The following KIF1A variants were observed in gnomAD, a reference collection of about 807,000 sequenced individuals.
The protein encoded by KIF1A is kinesin-like protein KIF1A.
Under a neutral mutation model 227.3 loss-of-function variants are expected in KIF1A, and 46 were observed. That is an observed-to-expected ratio of 0.20 (90% CI 0.16 to 0.26). The LOEUF is 0.26. KIF1A is among the 10% of genes least tolerant of loss of function. The pLI, the probability that KIF1A is intolerant of heterozygous loss-of-function variation, is 1.00. For synonymous variants in KIF1A, 1,022 were observed against 1,012.8 expected (o/e 1.01, Z -0.17); for missense variants, 1,683 against 2,485.9 (o/e 0.68, Z 6.87).
intron 8 of KIF1A, 37 bp from the exon 9 acceptor site, chr2:240,783,146 G>T: frequency 6.6e-7 from 1 of 1,520,056 alleles, no homozygotes; most frequent in Non-Finnish European, 9.1e-7. Context: ...GGGATGCTGG[G>T]GACCCGTGGG....
rs1017230534 is a variant in KIF1A at position 240,739,590 on chromosome 2, A to G, written c.3901+468T>C. Among the ~76,000 whole-genome samples, 2 of 152,182 alleles carry G rather than the reference A, an allele frequency of 1.3e-5. No homozygotes were observed. Among genetic ancestry groups the G allele is most frequent in the Non-Finnish European group, 2.9e-5 (2 of 68,042 alleles). ...TTAGGAGAAAGGGCCACAGGAAGAC[A>G]CAGGACAGGAGAAGCCTGCGAAAAT... is the stretch of plus-strand genomic sequence containing the variant. On this transcript the variant is annotated intron_variant, in intron 37 of 48. Transcript: ENST00000498729. The surrounding 1 kb of genome is among the most constrained non-coding windows in gnomAD (Gnocchi z 5.6).
chr2:240,775,971 A>G lies in KIF1A; in HGVS notation c.883-45T>C, dbSNP rs2052674580. 2.3e-6 allele frequency: 3 copies of G among 1,326,944 alleles called. No individual in the cohort carries two copies. The highest frequency in any genetic ancestry group is 3.3e-6 in the Non-Finnish European group (3 of 919,952). The allele number at this position is 1,326,944 out of a possible 1,614,324, so 82.2% of individuals were successfully genotyped here. A position where few individuals can be genotyped will look rare whatever the true frequency, so the allele number is the denominator to read the frequency against. On this transcript the variant is annotated intron_variant, in intron 10 of 48. Coordinates refer to ENST00000498729, the MANE Select transcript of KIF1A (RefSeq NM_001244008.2). The surrounding 1 kb of genome is among the most constrained non-coding windows in gnomAD (Gnocchi z 5.5). ...AAGGTCAAGCCCGAGCCCACTGCAG[A>G]GGAAGCGAAAGGGAGGGGCCAGCGC... is the stretch of plus-strand genomic sequence containing the variant.
intron 10 of KIF1A, chr2:240,782,212 A>C (rs993830069): frequency 2.0e-6 from 2 of 984,928 alleles, no homozygotes; most frequent in African/African-American, 3.5e-5. Flanking sequence ...GGCTGCTCAG[A>C]GTCCAGCACG....
chr2:240,785,779 C>T (rs746101346), intron 6 of KIF1A, among the ~76,000 whole-genome samples: 9 of 152,308 alleles, frequency 5.9e-5, no homozygotes, highest in East Asian at 1.9e-4. Context: ...TGCAGGATGG[C>T]GCAGAGTGTG....
chr2:240,735,619 C>G (rs1185073245), intron 38 of KIF1A, among the ~76,000 whole-genome samples: 1 of 152,190 alleles, frequency 6.6e-6, no homozygotes, highest in Non-Finnish European at 1.5e-5. Flanking sequence ...CCTTCCGGGC[C>G]CCACCCCCTA....
chr2:240,720,102 G>A (rs1039110469), intron 45 of KIF1A, 176 bp from the exon 46 acceptor site: 4 of 527,942 alleles, frequency 7.6e-6, no homozygotes, highest in Non-Finnish European at 1.2e-5. Context: ...GGATAGCCAA[G>A]CTTGTGCCCG....
intron 25 of KIF1A, 72 bp downstream of exon 25, chr2:240,760,593 C>T: frequency 8.0e-7 from 1 of 1,252,360 alleles, no homozygotes; most frequent in South Asian, 1.9e-5. Flanking sequence ...CTGTGCCTAC[C>T]ACCGCTCCTG....
chr2:240,721,775 G>A lies in KIF1A; in HGVS notation c.4743+32C>T, dbSNP rs11901423. Reference sequence around the variant, plus strand: ...CTGCCTATGGGAGCCCGAGCCCTGCGGGGCAGCCTGGTGCAGCCCCTCTGC... The same window carrying A: ...CTGCCTATGGGAGCCCGAGCCCTGCAGGGCAGCCTGGTGCAGCCCCTCTGC... On this transcript the variant is annotated intron_variant, in intron 44 of 48. Coordinates refer to ENST00000498729, the MANE Select transcript of KIF1A (RefSeq NM_001244008.2). The A allele has an allele frequency of 0.052, 82,024 of 1,574,464 alleles. 4,761 individuals carry two copies. Among genetic ancestry groups the A allele is most frequent in the African/African-American group, 0.29 (21,943 of 74,402 alleles).
At chr2:240,805,023 A>G (rs2057262346) in intron 1 of KIF1A, among the ~76,000 whole-genome samples, 1 of 140,450 alleles carries the variant, frequency 7.1e-6, no homozygotes, top group South Asian at 2.6e-4. Context: ...AAGGGAAGGG[A>G]AGGGGAGGGG....
At chr2:240,763,669 A>G (rs79368118) in intron 20 of KIF1A, among the ~76,000 whole-genome samples, 1,679 of 152,090 alleles carry the variant, frequency 0.011, 13 homozygotes, top group Non-Finnish European at 0.017. Flanking sequence ...CTGTGCACAC[A>G]TGGGAGCCAG....
intron 32 of KIF1A, among the ~76,000 whole-genome samples, chr2:240,744,300 GC>G (rs781249923): frequency 6.6e-5 from 10 of 152,300 alleles, no homozygotes; most frequent in Non-Finnish European, 1.2e-4. Flanking sequence ...ACGAACAGGG[GC>G]CGCGTGGCTC....
chr2:240,772,169 G>C (rs1325287214), intron 14 of KIF1A, among the ~76,000 whole-genome samples: 2 of 152,228 alleles, frequency 1.3e-5, no homozygotes, highest in African/African-American at 4.8e-5. Context: ...TGAGCCAAGA[G>C]CTGGGGACAG....
intron 5 of KIF1A, 115 bp downstream of exon 5, chr2:240,787,136 A>G (rs1047559131): frequency 2.4e-6 from 2 of 837,268 alleles, no homozygotes; most frequent in African/African-American, 1.7e-5. Flanking sequence ...TGAGTGAGGG[A>G]CAAGCTGGGC....
chr2:240,782,657 C>T, intron 9 of KIF1A, 50 bp from the exon 10 acceptor site: 4 of 1,547,276 alleles, frequency 2.6e-6, no homozygotes, highest in East Asian at 2.4e-5. Flanking sequence ...GAAGCTGGCG[C>T]GGGCTGTGGG....
rs1025389783 is a variant in KIF1A at position 240,724,336 on chromosome 2, A to G, written c.4257-300T>C. ...GCCCAAGTGGGGTACAGGCAACATG[A>G]GCACAGCATCTGGCATCTCCAGTCC... On this transcript the variant is annotated intron_variant, in intron 40 of 48. Transcript: ENST00000498729. The G allele has an allele frequency of 6.4e-6, 3 of 468,496 alleles. No homozygotes were observed. In the South Asian group the frequency reaches 6.5e-5, roughly 10 times the overall value. The allele number at this position is 468,496 out of a possible 1,614,324, so 29.0% of individuals were successfully genotyped here.
At chr2:240,781,765 C>A (rs2054057818) in intron 10 of KIF1A, 13 of 985,172 alleles carry the variant, frequency 1.3e-5, no homozygotes, top group African/African-American at 1.7e-5. Context: ...CAGTTCCCCA[C>A]AGGGGCCCTC....
At chr2:240,764,779 G>A (rs1331475359) in intron 20 of KIF1A, among the ~76,000 whole-genome samples, 4 of 152,122 alleles carry the variant, frequency 2.6e-5, no homozygotes, top group Non-Finnish European at 5.9e-5. Flanking sequence ...AATCAAGGAG[G>A]CCCCCAACGG....
chr2:240,797,566 G>T, intron 2 of KIF1A, 81 bp downstream of exon 2: 2 of 978,590 alleles, frequency 2.0e-6, no homozygotes, highest in South Asian at 1.4e-5. Context: ...CAGGTTGACT[G>T]CTGAGCCTGG....
chr2:240,719,266 T>G, intron 46 of KIF1A, 68 bp from the exon 47 acceptor site: 1 of 1,518,318 alleles, frequency 6.6e-7, no homozygotes, highest in East Asian at 2.4e-5. Context: ...GCACTCACCA[T>G]CTACCACCCA....
Sources: gnomAD v4.1 joint callset for allele counts (sites outside exome capture counted in the v4.1 genomes callset) on GRCh38, gnomAD v4.1.1 for gene constraint, Gnocchi (gnomAD v3.1) non-coding constraint, MANE v1.5 for transcripts, NCBI Gene and HGNC (gene_info 2026-07-23, HGNC 2026-07-21) for gene names.